ADA: variants seen among roughly 807,000 people sequenced by gnomAD.
ADA encodes adenosine deaminase.
In ADA, 45 loss-of-function variants were observed where a neutral mutation model predicts 49.0. That is an observed-to-expected ratio of 0.92 (90% CI 0.72 to 1.18). The LOEUF (loss-of-function observed/expected upper bound fraction) is 1.18. Ranked by LOEUF, ADA falls within the 50% of genes most tolerant of loss-of-function variation. ADA has a pLI of 0.00. For synonymous variants in ADA, 173 were observed against 184.2 expected (o/e 0.94, Z 0.49); for missense variants, 445 against 472.5 (o/e 0.94, Z 0.54).
chr20:44,630,345 C>CAAAAA (rs560993696), intron 2 of ADA, among the ~76,000 whole-genome samples: 3 of 77,218 alleles, frequency 3.9e-5, no homozygotes, highest in Admixed American at 1.5e-4. Context: ...CTCTGTATCA[C>CAAAAA]AAAAAAAAAA....
At chr20:44,651,324 C>T (rs2065643791) in intron 1 of ADA, among the ~76,000 whole-genome samples, 1 of 152,222 alleles carries the variant, frequency 6.6e-6, no homozygotes, top group Admixed American at 6.5e-5. Flanking sequence ...TGACAGACAG[C>T]GAAACTGAGA....
At chr20:44,636,997 G>T (rs1020914330) in intron 1 of ADA, among the ~76,000 whole-genome samples, 2 of 152,004 alleles carry the variant, frequency 1.3e-5, no homozygotes, top group African/African-American at 4.8e-5. Context: ...GTAGAGACAG[G>T]GTTTCACCAT....
At chr20:44,625,528 G>A in intron 5 of ADA, 41 bp downstream of exon 5, 1 of 1,530,758 alleles carries the variant, frequency 6.5e-7, no homozygotes, top group Non-Finnish European at 8.9e-7. Context: ...CAGGGCCAGG[G>A]TGAGACGGGC....
chr20:44,644,021 T>C (rs2065564074), intron 1 of ADA, among the ~76,000 whole-genome samples: 1 of 151,564 alleles, frequency 6.6e-6, no homozygotes, highest in Non-Finnish European at 1.5e-5. Context: ...CTGGGACAGA[T>C]ACTCCCAGAT....
chr20:44,620,148 C>T lies in ADA; in HGVS notation c.1078+151G>A, dbSNP rs191511876. The T allele has an allele frequency of 1.9e-4, 148 of 798,250 alleles. 1 individual carries two copies. Among genetic ancestry groups the T allele is most frequent in the Non-Finnish European group, 2.8e-4 (128 of 459,328 alleles). The allele number at this position is 798,250 out of a possible 1,614,324, so 49.4% of individuals were successfully genotyped here. ...TAGAAAACAAACCGATCTAATGAGA[C>T]GCTGCTCCCAGCCAGGGCCCAGAAA... On this transcript the variant is annotated intron_variant, in intron 11 of 11. Coordinates refer to ENST00000372874, the MANE Select transcript of ADA (RefSeq NM_000022.4).
At chr20:44,647,919 G>A (rs557373995) in intron 1 of ADA, among the ~76,000 whole-genome samples, 5 of 152,050 alleles carry the variant, frequency 3.3e-5, no homozygotes, top group African/African-American at 7.2e-5. Context: ...TGCGGCACAC[G>A]CCTGTAGTCC....
Position 44,624,226 on chromosome 20 carries a change from C to A in ADA, c.582G>T (p.Leu194Phe). ...CCTGGTAGGCCTGGACATGTCCAGG[C>A]AAGAGGCTGCTTCCTGGGATGGTCT... Reference protein sequence around the residue: ...GDETIPGSSLLPGHVQAYQEA... With the variant: ...GDETIPGSSLFPGHVQAYQEA... Residue 194 changes from leucine (L) to phenylalanine (F), a missense_variant, in exon 6 of 12, where the codon TTG becomes TTT. Leu to Phe is a conservative substitution (Grantham distance 22). Coordinates refer to ENST00000372874, the MANE Select transcript of ADA (RefSeq NM_000022.4). The A allele has an allele frequency of 6.2e-7, 1 of 1,613,460 alleles. No homozygotes were observed. Among genetic ancestry groups the A allele is most frequent in the Non-Finnish European group, 8.5e-7 (1 of 1,179,744 alleles).
intron 1 of ADA, among the ~76,000 whole-genome samples, chr20:44,643,566 CAG>C (rs1474418609): frequency 6.6e-6 from 1 of 152,154 alleles, no homozygotes; most frequent in Admixed American, 6.5e-5. Flanking sequence ...GTGGCCTGTC[CAG>C]AGTTACACAA....
chr20:44,636,199 G>GT lies in ADA; in HGVS notation c.95+27_95+28insA, dbSNP rs2065478244. On this transcript the variant is annotated intron_variant, in intron 2 of 11. Transcript: ENST00000372874. ...CTGGGGACCCCACTCAAATCCCAGG[G>GT]AGAGAGGGCTCTTCTGTATGGACTT... is the stretch of plus-strand genomic sequence containing the variant. 3 of 1,593,118 alleles carry GT rather than the reference G, an allele frequency of 1.9e-6. No homozygotes were observed. In the East Asian group the frequency reaches 6.7e-5, roughly 36 times the overall value.
chr20:44,621,836 G>A (rs2065335225), intron 9 of ADA, among the ~76,000 whole-genome samples: 1 of 152,060 alleles, frequency 6.6e-6, no homozygotes, highest in Admixed American at 6.5e-5. Flanking sequence ...TATCTGTGCA[G>A]ATGACTCCTG....
chr20:44,647,049 G>A (rs770182954), intron 1 of ADA, among the ~76,000 whole-genome samples: 29 of 152,040 alleles, frequency 1.9e-4, no homozygotes, highest in Non-Finnish European at 3.1e-4. Context: ...ACAGCGCCTC[G>A]TGCAGAGTAG....
intron 1 of ADA, among the ~76,000 whole-genome samples, chr20:44,640,259 CA>C (rs1307773787): frequency 3.3e-5 from 5 of 151,790 alleles, no homozygotes; most frequent in Non-Finnish European, 7.4e-5. Context: ...ATTAAAAATA[CA>C]AAAATCAGCC....
chr20:44,619,694 A>T lies in ADA; in HGVS notation c.*140T>A, dbSNP rs1249247890. The T allele has an allele frequency of 8.7e-7, 1 of 1,147,390 alleles. No homozygotes were observed. Among genetic ancestry groups the T allele is most frequent in the Non-Finnish European group, 1.3e-6 (1 of 765,606 alleles). The allele number at this position is 1,147,390 out of a possible 1,614,324, so 71.1% of individuals were successfully genotyped here. A position where few individuals can be genotyped will look rare whatever the true frequency, so the allele number is the denominator to read the frequency against. On this transcript the variant is annotated 3_prime_UTR_variant, in exon 12 of 12. Coordinates refer to ENST00000372874, the MANE Select transcript of ADA (RefSeq NM_000022.4). ...TGCCGAGGTATACGTGTGTGCAGAA[A>T]TGGACACATAGGGTTCAGGAGCATC...
At position 44,629,159 on chromosome 20, in the gene ADA, T is replaced by G. The variant is rs1431003280; in HGVS notation, c.106A>C (p.Ile36Leu). 3 of 1,614,044 alleles carry G rather than the reference T, an allele frequency of 1.9e-6. No individual in the cohort carries two copies. Among genetic ancestry groups the G allele is most frequent in the East Asian group, 4.5e-5 (2 of 44,884 alleles). ...TCTGCTGTGTTAGCTGGGAGGGCGA[T>G]CCCTCTCCTCCTGGAAACAAAACAG... ...TILYYGRRRG[I>L]ALPANTAEGL... is the part of the protein sequence containing the mutation. The change falls in exon 3 of 12, where the codon ATC (isoleucine) becomes CTC (leucine). Residue 36 changes from isoleucine to leucine, a missense_variant. Transcript: ENST00000372874.
chr20:44,643,359 T>C (rs1303521102), intron 1 of ADA, among the ~76,000 whole-genome samples: 1 of 152,232 alleles, frequency 6.6e-6, no homozygotes, highest in East Asian at 1.9e-4. Flanking sequence ...GTCTGATTCT[T>C]GAGCTCCTAA....
chr20:44,636,387 CATG>C, intron 1 of ADA, 99 bp from the exon 2 acceptor site: 2 of 1,043,870 alleles, frequency 1.9e-6, no homozygotes, highest in Non-Finnish European at 2.9e-6. Context: ...TAACATTAAT[CATG>C]ATAACCATTA....
chr20:44,651,501 G>A, intron 1 of ADA, 74 bp downstream of exon 1: 1 of 1,439,676 alleles, frequency 6.9e-7, no homozygotes, highest in Non-Finnish European at 9.4e-7. Context: ...GGACGCCCCG[G>A]GCTGGGCCCC....
intron 1 of ADA, among the ~76,000 whole-genome samples, chr20:44,647,542 C>G (rs2065603855): frequency 6.6e-6 from 1 of 152,098 alleles, no homozygotes; most frequent in Admixed American, 6.5e-5. Flanking sequence ...CAAGTCCCTC[C>G]ACTCCCTAAG....
intron 1 of ADA, among the ~76,000 whole-genome samples, chr20:44,646,914 C>T (rs2065597688): frequency 6.6e-6 from 1 of 152,056 alleles, no homozygotes; most frequent in South Asian, 2.1e-4. Context: ...AGCTGTGTGA[C>T]TTTGGCAAGT....
Sources: allele counts gnomAD v4.1 joint callset (sites outside exome capture counted in the v4.1 genomes callset), GRCh38; gene constraint gnomAD v4.1.1; transcripts MANE v1.5; gene names NCBI Gene and HGNC (gene_info 2026-07-23, HGNC 2026-07-21).